AADAT: variants seen among roughly 807,000 people sequenced by gnomAD.
The protein encoded by AADAT is kynurenine/alpha-aminoadipate aminotransferase, mitochondrial.
A neutral mutation model predicts 56.2 loss-of-function variants in AADAT; 25 were observed. The observed-to-expected ratio is 0.44, with a 90% CI of 0.32 to 0.62. AADAT has a LOEUF of 0.62. Ranked by LOEUF, AADAT falls within the 20% of genes least tolerant of loss-of-function variation. The probability of loss-of-function intolerance (pLI) is 0.04; values close to 1 mark genes in which losing one functional copy is unlikely to be tolerated. For synonymous variants in AADAT, 173 were observed against 164.7 expected (o/e 1.05, Z -0.39); for missense variants, 387 against 510.5 (o/e 0.76, Z 2.33).
At position 170,066,395 on chromosome 4, in the gene AADAT, G is replaced by A. The variant is rs753132944; in HGVS notation, c.1027+19C>T. Reference sequence around the variant, plus strand: ...AGATGCTACTGTTTATCATGAGGACGAATATACGTTCCACTCACCAGTTAA... The same window carrying A: ...AGATGCTACTGTTTATCATGAGGACAAATATACGTTCCACTCACCAGTTAA... On this transcript the variant is annotated intron_variant, in intron 10 of 12. Transcript: ENST00000337664. 30 of 1,606,328 alleles carry A rather than the reference G, an allele frequency of 1.9e-5. No homozygotes were observed. Among genetic ancestry groups the A allele is most frequent in the Non-Finnish European group, 2.5e-5 (29 of 1,173,226 alleles).
At chr4:170,073,064 T>A in intron 5 of AADAT, 72 bp downstream of exon 5, 1 of 1,411,088 alleles carries the variant, frequency 7.1e-7, no homozygotes. Flanking sequence ...GAAAGGGAGC[T>A]TGCATAGTGC....
chr4:170,071,008 G>A (rs1295052633), intron 5 of AADAT, among the ~76,000 whole-genome samples: 1 of 152,214 alleles, frequency 6.6e-6, no homozygotes, highest in Admixed American at 6.5e-5. Flanking sequence ...TGCCTCCTGG[G>A]CTCAAGTGAT....
At chr4:170,068,550 C>T (rs756011377) in intron 8 of AADAT, 41 bp downstream of exon 8, 34 of 1,409,346 alleles carry the variant, frequency 2.4e-5, no homozygotes, top group Non-Finnish European at 3.3e-5. Context: ...AAATTCTAAT[C>T]TGATTACAAA....
Position 170,073,224 on chromosome 4 carries a change from T to C in AADAT, c.566A>G (p.Asn189Ser). Residue 189 changes from asparagine to serine, a missense_variant, in exon 5 of 13, where the codon AAC becomes AGC. By Grantham distance (46) the Asn-to-Ser change is conservative. Coordinates refer to ENST00000337664, the MANE Select transcript of AADAT (RefSeq NM_016228.4). ...AACAGTATAAAGAAATTTGGGGGTG[T>C]TTTTCTGGGGATTCTTTGCATCTTC... ...KPEDAKNPQKNTPKFLYTVPN... is the reference protein window; with the variant it reads ...KPEDAKNPQKSTPKFLYTVPN... The C allele has an allele frequency of 3.1e-6, 5 of 1,614,020 alleles. No individual in the cohort carries two copies. The highest frequency in any genetic ancestry group is 4.2e-6 in the Non-Finnish European group (5 of 1,179,998).
intron 4 of AADAT, among the ~76,000 whole-genome samples, chr4:170,077,992 A>G (rs1391745171): frequency 6.6e-6 from 1 of 152,150 alleles, no homozygotes; most frequent in African/African-American, 2.4e-5. Flanking sequence ...GCCCCAAACA[A>G]ACCTAATGCT....
At chr4:170,075,066 T>C (rs990092686) in intron 4 of AADAT, among the ~76,000 whole-genome samples, 7 of 152,196 alleles carry the variant, frequency 4.6e-5, no homozygotes, top group African/African-American at 1.4e-4. Context: ...AAATCAATAC[T>C]GGGCCATAAA....
intron 4 of AADAT, among the ~76,000 whole-genome samples, chr4:170,075,050 T>C (rs1421705717): frequency 6.6e-6 from 1 of 152,220 alleles, no homozygotes; most frequent in Non-Finnish European, 1.5e-5. Flanking sequence ...CTACCATGAA[T>C]AAAGCAAATC....
chr4:170,077,947 C>CT (rs1366350549), intron 4 of AADAT, among the ~76,000 whole-genome samples: 1 of 152,122 alleles, frequency 6.6e-6, no homozygotes, highest in Non-Finnish European at 1.5e-5. Context: ...TCTGAGTATG[C>CT]TCCAGTTGTG....
At chr4:170,086,209 G>A (rs1231092227) in intron 3 of AADAT, among the ~76,000 whole-genome samples, 2 of 151,272 alleles carry the variant, frequency 1.3e-5, no homozygotes, top group East Asian at 2.0e-4. Context: ...TTGCGCCACC[G>A]CACTCCAGTC....
At chr4:170,066,870 T>C (rs1209885147) in intron 9 of AADAT, among the ~76,000 whole-genome samples, 3 of 152,206 alleles carry the variant, frequency 2.0e-5, no homozygotes, top group Non-Finnish European at 4.4e-5. Context: ...TATTTCTAAA[T>C]GTCCTAGGAG....
chr4:170,075,565 G>T (rs552880690), intron 4 of AADAT, among the ~76,000 whole-genome samples: 1 of 152,294 alleles, frequency 6.6e-6, no homozygotes, highest in Admixed American at 6.5e-5. Context: ...AGCCTCAGCT[G>T]CCCAAAGTGC....
chr4:170,084,153 T>C (rs1162345579), intron 3 of AADAT, among the ~76,000 whole-genome samples: 1 of 152,162 alleles, frequency 6.6e-6, no homozygotes, highest in Non-Finnish European at 1.5e-5. Context: ...AAATATTGCA[T>C]GTTCTCCCTC....
upstream of AADAT, among the ~76,000 whole-genome samples, chr4:170,091,128 C>T (rs1732806882): frequency 1.3e-5 from 2 of 152,248 alleles, no homozygotes; most frequent in African/African-American, 2.4e-5. Flanking sequence ...CTCACTCTGA[C>T]CGCGCTTGAG....
chr4:170,092,508 G>T (rs889326181), upstream of AADAT, among the ~76,000 whole-genome samples: 1 of 152,164 alleles, frequency 6.6e-6, no homozygotes, highest in Non-Finnish European at 1.5e-5. Context: ...TTTAAGAACT[G>T]TTAACACACC....
intron 5 of AADAT, 115 bp from the exon 6 acceptor site, chr4:170,070,767 G>A: frequency 1.5e-6 from 1 of 687,906 alleles, no homozygotes; most frequent in Non-Finnish European, 2.4e-6. Flanking sequence ...GAACTACTGT[G>A]TGTCTATTGT....
At chr4:170,069,758 T>A (rs927031714) in intron 6 of AADAT, among the ~76,000 whole-genome samples, 1 of 152,166 alleles carries the variant, frequency 6.6e-6, no homozygotes, top group African/African-American at 2.4e-5. Flanking sequence ...GGAAATTTGC[T>A]GGCATGCTGA....
Position 170,064,763 on chromosome 4 carries a change from T to C in AADAT, c.1090A>G (p.Asn364Asp). 2 of 1,611,842 alleles carry C rather than the reference T, an allele frequency of 1.2e-6. No homozygotes were observed. ...MFLWIKVKGINDVKELIEEKA... is the reference protein window; with the variant it reads ...MFLWIKVKGIDDVKELIEEKA... ...TCTTCAATCAGTTCTTTTACATCAT[T>C]AATGCCTTTAACTTTAATCCATAAA... is the stretch of plus-strand genomic sequence containing the variant. Residue 364 changes from asparagine (N) to aspartate (D), a missense_variant, in exon 11 of 13, where the codon AAT (asparagine) becomes GAT (aspartate). Physicochemically the swap from Asn to Asp is conservative, Grantham distance 23. Transcript: ENST00000337664.
At chr4:170,064,221 G>A (rs1424746084) in intron 11 of AADAT, among the ~76,000 whole-genome samples, 3 of 152,090 alleles carry the variant, frequency 2.0e-5, no homozygotes, top group African/African-American at 4.8e-5. Flanking sequence ...TCCATCATCA[G>A]AAAACAAACC....
At chr4:170,066,556 A>G (rs1172254850) in intron 9 of AADAT, 78 bp from the exon 10 acceptor site, 9 of 1,043,874 alleles carry the variant, frequency 8.6e-6, no homozygotes, top group Non-Finnish European at 1.2e-5. Flanking sequence ...AGTCCAGGCT[A>G]TAAGAATTTG....
Sources: gnomAD v4.1 joint callset for allele counts (sites outside exome capture counted in the v4.1 genomes callset) on GRCh38, gnomAD v4.1.1 for gene constraint, MANE v1.5 for transcripts, NCBI Gene and HGNC (gene_info 2026-07-23, HGNC 2026-07-21) for gene names.